Variants in TFB1M observed in about 807,000 individuals in gnomAD.
TFB1M encodes the protein transcription factor B1, mitochondrial, also known as dimethyladenosine transferase 1, mitochondrial.
TFB1M carries 27 observed loss-of-function variants against 31.1 expected under a neutral mutation model. The observed-to-expected ratio is 0.87, with a 90% CI of 0.64 to 1.20. The LOEUF (loss-of-function observed/expected upper bound fraction) is 1.20. Among genes scored for constraint, TFB1M ranks in the 50% most tolerant of loss-of-function variants. TFB1M has a pLI of 0.00. For synonymous variants in TFB1M, 166 were observed against 151.8 expected (o/e 1.09, Z -0.69); for missense variants, 394 against 418.7 (o/e 0.94, Z 0.51).
chr6:155,240,763 G>A, the TFB1M span: 2 of 1,553,184 alleles, frequency 1.3e-6, no homozygotes, highest in Non-Finnish European at 1.7e-6. Flanking sequence ...ATGGCAAGTG[G>A]TATGCTGGCA....
intron 2 of TFB1M, among the ~76,000 whole-genome samples, chr6:155,302,455 T>C (rs2114792280): frequency 6.6e-6 from 1 of 152,288 alleles, no homozygotes; most frequent in Non-Finnish European, 1.5e-5. Flanking sequence ...AAAATTAAGA[T>C]GTTACAGCAG....
chr6:155,311,948 C>T (rs982813323), intron 1 of TFB1M, among the ~76,000 whole-genome samples: 7 of 152,060 alleles, frequency 4.6e-5, no homozygotes, highest in Admixed American at 2.6e-4. Context: ...AAGCTTTGCA[C>T]ACATGCATGT....
chr6:155,274,901 T>C (rs1265844084), intron 5 of TFB1M, among the ~76,000 whole-genome samples: 1 of 152,256 alleles, frequency 6.6e-6, no homozygotes, highest in East Asian at 1.9e-4. Context: ...TTCCTTATTA[T>C]GTATTGAGTA....
downstream of TFB1M, chr6:155,251,954 G>C: frequency 6.2e-7 from 1 of 1,603,960 alleles, no homozygotes; most frequent in Non-Finnish European, 8.5e-7. Context: ...GTTTTTAAGA[G>C]AGCCGTCATA....
chr6:155,245,496 A>G, the TFB1M span: 2 of 747,530 alleles, frequency 2.7e-6, no homozygotes, highest in South Asian at 3.7e-5. Flanking sequence ...TGGATGGAGC[A>G]GGTTTGAACT....
At chr6:155,291,639 G>A (rs1776929101) in intron 4 of TFB1M, among the ~76,000 whole-genome samples, 1 of 152,204 alleles carries the variant, frequency 6.6e-6, no homozygotes, top group East Asian at 1.9e-4. Context: ...ATGTTGGGTG[G>A]TTCTTCGCTG....
the TFB1M span, chr6:155,243,999 A>G: frequency 5.0e-6 from 8 of 1,613,312 alleles, no homozygotes; most frequent in East Asian, 2.2e-5. Flanking sequence ...ACTTTCTTCT[A>G]TTTTCTTTCA....
chr6:155,251,773 A>C (rs1465488795), downstream of TFB1M, among the ~76,000 whole-genome samples: 1 of 152,256 alleles, frequency 6.6e-6, no homozygotes, highest in African/African-American at 2.4e-5. Context: ...GCTTCTGCAT[A>C]GTTCAAATAT....
chr6:155,297,069 A>T lies in TFB1M; in HGVS notation c.430T>A (p.Phe144Ile), dbSNP rs1441790877. The T allele has an allele frequency of 6.2e-7, 1 of 1,613,756 alleles. No individual in the cohort carries two copies. Among genetic ancestry groups the T allele is most frequent in the African/African-American group, 1.3e-5 (1 of 74,922 alleles). Reference protein sequence around the residue: ...PNVHIIGNLPFSVSTPLIIKW... With the variant: ...PNVHIIGNLPISVSTPLIIKW... ...ATAATCAGTGGAGTTGAAACACTAA[A>T]AGGCAGATTTCCAATAATATGTACA... Residue 144 changes from phenylalanine (F) to isoleucine (I), a missense_variant, in exon 4 of 7, where the codon TTT becomes ATT. This residue lies in a region of TFB1M where 273 missense variants were observed against 256.4 expected (regional missense o/e 1.06). Transcript: ENST00000367166.
the TFB1M span, chr6:155,250,600 C>A: frequency 5.9e-6 from 9 of 1,536,016 alleles, no homozygotes; most frequent in Non-Finnish European, 7.8e-6. Context: ...TTACAAAAGG[C>A]ACTCTGGAAG....
chr6:155,263,952 A>G (rs1309746654), intron 5 of TFB1M: 3 of 152,184 alleles, frequency 2.0e-5, no homozygotes, highest in Non-Finnish European at 4.4e-5. Context: ...AGTGAAAAAA[A>G]AAAAAAAGAC....
chr6:155,240,134 T>C, the TFB1M span, among the ~76,000 whole-genome samples: 5 of 152,220 alleles, frequency 3.3e-5, no homozygotes, highest in Admixed American at 3.3e-4. Context: ...AGGCCAACCA[T>C]TGAGGGGACT....
At chr6:155,277,965 T>C (rs533690094) in intron 5 of TFB1M, among the ~76,000 whole-genome samples, 2 of 152,342 alleles carry the variant, frequency 1.3e-5, no homozygotes, top group South Asian at 4.1e-4. Flanking sequence ...TCATTCTATA[T>C]ATACTTCAAA....
the TFB1M span, chr6:155,250,980 C>G: frequency 6.2e-7 from 1 of 1,614,172 alleles, no homozygotes; most frequent in Non-Finnish European, 8.5e-7. Flanking sequence ...CCATTTCTGT[C>G]TCTAGGAAAA....
chr6:155,308,937 G>C (rs918176108), intron 2 of TFB1M, among the ~76,000 whole-genome samples: 6 of 151,728 alleles, frequency 4.0e-5, no homozygotes, highest in African/African-American at 1.5e-4. Context: ...CCTCACTGGG[G>C]AAAAAAAGGC....
At position 155,257,898 on chromosome 6, in the gene TFB1M, T is replaced by G; in HGVS notation, c.979A>C (p.Lys327Gln). 2.5e-6 allele frequency: 4 copies of G among 1,614,236 alleles called. No homozygotes were observed. The highest frequency in any genetic ancestry group is 3.4e-6 in the Non-Finnish European group (4 of 1,180,040). ...TCTTCATTTTTGCTTTTTCTTCGCTTGAGTTCTTCTCTGAAATTATATGCA... is the reference window on the plus strand; with the variant it reads ...TCTTCATTTTTGCTTTTTCTTCGCTGGAGTTCTTCTCTGAAATTATATGCA... ...LFAYNFREEL[K>Q]RRKSKNEEKE... is the part of the protein sequence containing the mutation. Residue 327 changes from lysine to glutamine, a missense_variant, in exon 7 of 7, where the codon AAG (lysine) becomes CAG (glutamine). Transcript: ENST00000367166.
intron 1 of TFB1M, 44 bp downstream of exon 1, chr6:155,314,252 C>A (rs1429012873): frequency 6.2e-7 from 1 of 1,608,658 alleles, no homozygotes. Context: ...CACGCCCCCA[C>A]GGACACTGGG....
chr6:155,241,301 T>C, the TFB1M span, among the ~76,000 whole-genome samples: 1 of 152,230 alleles, frequency 6.6e-6, no homozygotes, highest in Admixed American at 6.5e-5. Flanking sequence ...TTATGAAGAA[T>C]ACTGGAGCCT....
chr6:155,302,671 T>A (rs763379434), intron 2 of TFB1M, among the ~76,000 whole-genome samples: 1 of 152,250 alleles, frequency 6.6e-6, no homozygotes, highest in Non-Finnish European at 1.5e-5. Context: ...TACAAATATC[T>A]AAAATTATTT....
Sources: allele counts gnomAD v4.1 joint callset (sites outside exome capture counted in the v4.1 genomes callset), GRCh38; gene constraint gnomAD v4.1.1; regional missense constraint gnomAD v4.1.1; transcripts MANE v1.5; gene names NCBI Gene and HGNC (gene_info 2026-07-23, HGNC 2026-07-21).